Variants in PCLO observed in about 807,000 individuals in gnomAD.
The protein encoded by PCLO is piccolo presynaptic cytomatrix protein.
In PCLO, 82 loss-of-function variants were observed where a neutral mutation model predicts 427.5. That is an observed-to-expected ratio of 0.19 (90% confidence interval 0.16 to 0.23). The LOEUF is 0.23. PCLO is among the 10% of genes least tolerant of loss of function. The probability of loss-of-function intolerance (pLI) is 1.00; values close to 1 mark genes in which losing one functional copy is unlikely to be tolerated. For synonymous variants in PCLO, 2,357 were observed against 2,155.4 expected (o/e 1.09, Z -2.59); for missense variants, 6,239 against 6,115.9 (o/e 1.02, Z -0.67).
rs139379424 is a variant in PCLO at position 82,943,885 on chromosome 7, C to T, written c.11112+5591G>A. On this transcript the variant is annotated intron_variant, in intron 6 of 24. Transcript: ENST00000333891. ...AAAAATTGTAACACTGGGCTGGGTG[C>T]GGTGGCTCACGTCTGTAATGCCAGC... Among the ~76,000 whole-genome samples, 306 of 151,904 alleles carry T rather than the reference C, an allele frequency of 2.0e-3. 2 individuals carry two copies. Among genetic ancestry groups the T allele is most frequent in the African/African-American group, 7.0e-3 (292 of 41,452 alleles).
intron 20 of PCLO, among the ~76,000 whole-genome samples, chr7:82,808,842 A>G (rs73706736): frequency 0.015 from 2,277 of 152,018 alleles, 60 homozygotes; most frequent in African/African-American, 0.052. Context: ...TAGTGCAGAG[A>G]TATATAGCCT....
intron 21 of PCLO, among the ~76,000 whole-genome samples, chr7:82,804,647 G>A (rs546820233): frequency 5.9e-5 from 9 of 152,184 alleles, no homozygotes; most frequent in African/African-American, 2.2e-4. Context: ...GTATTCTAAC[G>A]ACTTAATTCT....
chr7:82,763,787 C>A (rs1321424453), intron 22 of PCLO, among the ~76,000 whole-genome samples: 2 of 151,974 alleles, frequency 1.3e-5, no homozygotes, highest in African/African-American at 4.8e-5. Context: ...AATAATAATT[C>A]ATGAGCCAAT....
chr7:82,844,214 A>G (rs1792441763), intron 13 of PCLO, among the ~76,000 whole-genome samples: 1 of 152,166 alleles, frequency 6.6e-6, no homozygotes, highest in Non-Finnish European at 1.5e-5. Flanking sequence ...TTATTTTTAA[A>G]TGATTATCAA....
chr7:83,156,408 A>G lies in PCLO; in HGVS notation c.249-16T>C, dbSNP rs369412156. The G allele has an allele frequency of 4.6e-4, 652 of 1,422,958 alleles. 4 individuals carry two copies. The African/African-American group carries it at 8.3e-3, about 18-fold the overall frequency. The allele number at this position is 1,422,958 out of a possible 1,614,324, so 88.1% of individuals were successfully genotyped here. ...CTCTTGTTTCCTAGAAGAGTTAAAAAAAAAAAAAAAAATCAAGTGAAAATA... is the reference window on the plus strand; with the variant it reads ...CTCTTGTTTCCTAGAAGAGTTAAAAGAAAAAAAAAAAATCAAGTGAAAATA... On this transcript the variant is annotated splice_polypyrimidine_tract_variant and intron_variant, in intron 1 of 24. Coordinates refer to ENST00000333891, the MANE Select transcript of PCLO (RefSeq NM_033026.6).
intron 9 of PCLO, among the ~76,000 whole-genome samples, chr7:82,892,954 G>A (rs546118607): frequency 2.8e-3 from 421 of 152,240 alleles, no homozygotes; most frequent in Middle Eastern, 0.01. Flanking sequence ...GGAGACATAG[G>A]AACACTTTTA....
chr7:83,064,816 C>T (rs532969503), intron 3 of PCLO, among the ~76,000 whole-genome samples: 76 of 151,926 alleles, frequency 5.0e-4, no homozygotes, highest in African/African-American at 1.6e-3. Context: ...ATGCTCTCTC[C>T]GAGAGATGTG....
At position 82,811,071 on chromosome 7, in the gene PCLO, A is replaced by C. The variant is rs1236318068; in HGVS notation, c.14792-5242T>G. Among the ~76,000 whole-genome samples the C allele has an allele frequency of 4.0e-5, 6 of 151,634 alleles. No individual in the cohort carries two copies. The Admixed American group carries it at 4.0e-4, about 10-fold the overall frequency. On this transcript the variant is annotated intron_variant, in intron 20 of 24. Coordinates refer to ENST00000333891, the MANE Select transcript of PCLO (RefSeq NM_033026.6). ...AGAGCTATTTCCAAATATTCTGAGG[A>C]GTAATTTATTATGTAGGTAGCTTGT...
At chr7:82,999,670 A>T (rs1312802655) in intron 3 of PCLO, among the ~76,000 whole-genome samples, 1 of 53,894 alleles carries the variant, frequency 1.9e-5, no homozygotes, top group Non-Finnish European at 2.7e-5. Flanking sequence ...ATAAAATATA[A>T]AATATATTAT....
Position 83,038,041 on chromosome 7 carries a change from ATATATATATCTT to A in PCLO, c.3301-71566_3301-71555del, listed in dbSNP as rs1344044456. Among the ~76,000 whole-genome samples the A allele has an allele frequency of 7.0e-4, 32 of 45,902 alleles. 5 individuals carry two copies. The highest frequency in any genetic ancestry group is 2.5e-3 in the African/African-American group (15 of 5,944). 30.1% of individuals were successfully genotyped at this position (45,902 alleles called of 152,430 possible). ...TATATATATATATATTTATATATTT[ATATATATATCTT>A]TATATATATATTTATATATTTATAT... On this transcript the variant is annotated intron_variant, in intron 3 of 24. Coordinates refer to ENST00000333891, the MANE Select transcript of PCLO (RefSeq NM_033026.6).
chr7:83,150,561 A>C (rs568304735), intron 2 of PCLO, among the ~76,000 whole-genome samples: 1 of 152,260 alleles, frequency 6.6e-6, no homozygotes, highest in East Asian at 1.9e-4. Flanking sequence ...AAGGGAGTAA[A>C]CATGTCCCCT....
chr7:82,759,590 G>C lies in PCLO; in HGVS notation c.15289-875C>G, dbSNP rs377257930. Among the ~76,000 whole-genome samples the C allele has an allele frequency of 5.3e-4, 80 of 152,010 alleles. 1 individual carries two copies. In the Middle Eastern group the frequency reaches 0.027, roughly 52 times the overall value. On this transcript the variant is annotated intron_variant, in intron 24 of 24. Transcript: ENST00000333891. ...GTGAAATAATACATTTGTTGACACA[G>C]ACTTCAGAGTGTCATTTCACATTTT...
intron 3 of PCLO, among the ~76,000 whole-genome samples, chr7:83,098,235 T>A (rs891779270): frequency 3.9e-5 from 6 of 152,112 alleles, no homozygotes; most frequent in African/African-American, 1.2e-4. Flanking sequence ...AGAATAAAGA[T>A]CACTAATACT....
At chr7:83,145,832 G>A (rs185698743) in intron 2 of PCLO, among the ~76,000 whole-genome samples, 163 of 152,188 alleles carry the variant, frequency 1.1e-3, no homozygotes, top group African/African-American at 3.7e-3. Context: ...AAAGTCACCT[G>A]ACCAAATCAC....
At chr7:83,040,477 G>T (rs1348869998) in intron 3 of PCLO, among the ~76,000 whole-genome samples, 1 of 151,990 alleles carries the variant, frequency 6.6e-6, no homozygotes, top group Admixed American at 6.6e-5. Flanking sequence ...AAATTGTTTC[G>T]CAGGCTAATC....
intron 3 of PCLO, among the ~76,000 whole-genome samples, chr7:83,084,461 C>G (rs1285338307): frequency 6.6e-6 from 1 of 151,984 alleles, no homozygotes; most frequent in African/African-American, 2.4e-5. Context: ...TTAAAAGCAC[C>G]ATGTCTCATT....
chr7:83,078,721 G>A (rs1046902769), intron 3 of PCLO, among the ~76,000 whole-genome samples: 1 of 151,870 alleles, frequency 6.6e-6, no homozygotes, highest in African/African-American at 2.4e-5. Flanking sequence ...TAGTAGAGAC[G>A]GGGTTTCACC....
intron 6 of PCLO, among the ~76,000 whole-genome samples, chr7:82,923,056 A>T (rs932121417): frequency 6.6e-6 from 1 of 152,012 alleles, no homozygotes; most frequent in Non-Finnish European, 1.5e-5. Flanking sequence ...TGTAAACAAG[A>T]TATTTTGATA....
chr7:83,011,015 T>G (rs910294705), intron 3 of PCLO, among the ~76,000 whole-genome samples: 8 of 152,072 alleles, frequency 5.3e-5, no homozygotes, highest in African/African-American at 1.7e-4. Flanking sequence ...TATGAGAATC[T>G]CAGCACACAC....
Sources: allele counts gnomAD v4.1 joint callset (sites outside exome capture counted in the v4.1 genomes callset), GRCh38; gene constraint gnomAD v4.1.1; transcripts MANE v1.5; gene names NCBI Gene and HGNC (gene_info 2026-07-23, HGNC 2026-07-21).